IFT74: variants seen among roughly 807,000 people sequenced by gnomAD.
IFT74 encodes intraflagellar transport protein 74 homolog.
A neutral mutation model predicts 96.7 loss-of-function variants in IFT74; 92 were observed. The observed-to-expected ratio is 0.95, with a 90% CI of 0.80 to 1.13. The LOEUF (loss-of-function observed/expected upper bound fraction) is 1.13. Ranked by LOEUF, IFT74 falls within the 50% of genes most tolerant of loss-of-function variation. The pLI is 0.00. For missense variants in IFT74, 811 were observed against 698.2 expected (o/e 1.16, Z -1.82); for synonymous variants, 223 against 213.2 (o/e 1.05, Z -0.40).
intron 4 of IFT74, chr9:26,982,272 CT>C (rs58933452): frequency 0.84 from 264,352 of 313,208 alleles, 111,239 homozygotes; most frequent in South Asian, 0.92. Context: ...AGCTTTTTTT[CT>C]TTTTTTTTTG....
chr9:26,998,066 G>C lies in IFT74; in HGVS notation c.587+7871G>C, dbSNP rs139454351. The C allele has an allele frequency of 1.2e-5, 19 of 1,613,042 alleles. No homozygotes were observed. The African/African-American group carries it at 2.4e-4, about 20-fold the overall frequency. Reference sequence around the variant, plus strand: ...ACCAAAACCGTTATTATGTAAGATAGTAACCTTGTTCTCAATCAAATAGAG... The same window carrying C: ...ACCAAAACCGTTATTATGTAAGATACTAACCTTGTTCTCAATCAAATAGAG... On this transcript the variant is annotated intron_variant, in intron 8 of 19. Coordinates refer to ENST00000380062, the MANE Select transcript of IFT74 (RefSeq NM_025103.4).
Position 27,063,843 on chromosome 9 carries a change from T to C in IFT74, c.*1107T>C, listed in dbSNP as rs1820528409. ...CATTTAAATAAAGGAGTGAGCATTG[T>C]TGAGTTTGCTGAACTCTGGATTACT... On this transcript the variant is annotated 3_prime_UTR_variant, in exon 20 of 20. Transcript: ENST00000380062. Among the ~76,000 whole-genome samples, 1 of 152,138 alleles carries C rather than the reference T, an allele frequency of 6.6e-6. No homozygotes were observed. Among genetic ancestry groups the C allele is most frequent in the African/African-American group, 2.4e-5 (1 of 41,464 alleles).
intron 6 of IFT74, among the ~76,000 whole-genome samples, chr9:26,986,638 T>C (rs1563952137): frequency 6.6e-6 from 1 of 151,970 alleles, no homozygotes; most frequent in Non-Finnish European, 1.5e-5. Flanking sequence ...TTTAATTTTT[T>C]TAGAGATAGG....
chr9:26,998,460 T>A (rs968579709), intron 8 of IFT74, among the ~76,000 whole-genome samples: 2 of 152,146 alleles, frequency 1.3e-5, no homozygotes, highest in African/African-American at 4.8e-5. Context: ...AACAAAGAGA[T>A]TCCAATTTGT....
At chr9:27,045,168 T>C (rs1324517866) in intron 14 of IFT74, among the ~76,000 whole-genome samples, 1 of 152,198 alleles carries the variant, frequency 6.6e-6, no homozygotes, top group Non-Finnish European at 1.5e-5. Flanking sequence ...CTCTGCCTCC[T>C]GTTAGATCAG....
At chr9:27,041,519 A>G (rs1198342193) in intron 13 of IFT74, among the ~76,000 whole-genome samples, 2 of 152,152 alleles carry the variant, frequency 1.3e-5, no homozygotes, top group Non-Finnish European at 2.9e-5. Flanking sequence ...AAATGCTCCG[A>G]ATTAAAGGAT....
chr9:27,027,200 A>G (rs2131639215), intron 12 of IFT74, among the ~76,000 whole-genome samples: 1 of 152,322 alleles, frequency 6.6e-6, no homozygotes, highest in Admixed American at 6.5e-5. Context: ...TTACACGCAC[A>G]AACTAGAAAA....
At chr9:27,036,491 G>A (rs1401131871) in intron 13 of IFT74, 1 of 1,613,582 alleles carries the variant, frequency 6.2e-7, no homozygotes, top group Non-Finnish European at 8.5e-7. Flanking sequence ...AAAAAATACA[G>A]GAAGTTTCAA....
chr9:27,055,484 C>T (rs1220426731), intron 16 of IFT74, 125 bp from the exon 17 acceptor site: 3 of 635,926 alleles, frequency 4.7e-6, no homozygotes, highest in African/African-American at 2.0e-5. Context: ...TCACTGGTTA[C>T]AGTGAACATA....
chr9:26,959,071 T>G (rs887817734), intron 1 of IFT74, among the ~76,000 whole-genome samples: 1 of 151,580 alleles, frequency 6.6e-6, no homozygotes, highest in Admixed American at 6.6e-5. Context: ...TAGAAAATAG[T>G]GGATATAAGC....
At chr9:27,005,964 C>G (rs530961245) in intron 8 of IFT74, among the ~76,000 whole-genome samples, 2 of 152,262 alleles carry the variant, frequency 1.3e-5, no homozygotes, top group South Asian at 4.1e-4. Context: ...CTGCCTCAGC[C>G]TCCTGAGTAG....
intron 4 of IFT74, among the ~76,000 whole-genome samples, chr9:26,982,753 C>G (rs1389274857): frequency 1.3e-5 from 2 of 152,010 alleles, no homozygotes; most frequent in African/African-American, 2.4e-5. Context: ...CTGCACCTGG[C>G]CTAATTTTTG....
chr9:26,975,126 C>T (rs1031311949), intron 2 of IFT74, among the ~76,000 whole-genome samples: 2 of 152,042 alleles, frequency 1.3e-5, no homozygotes, highest in Non-Finnish European at 2.9e-5. Context: ...TGGAATGAGA[C>T]CTGAGGCGGC....
Position 27,064,721 on chromosome 9 carries a change from T to G in IFT74, c.*1985T>G, listed in dbSNP as rs984026293. Among the ~76,000 whole-genome samples the G allele has an allele frequency of 6.6e-6, 1 of 152,134 alleles. No homozygotes were observed. The highest frequency in any genetic ancestry group is 1.5e-5 in the Non-Finnish European group (1 of 67,968). ...TGTTTTCCTCATTTGAAAGCAAATTTAAATGCCTTTACTTTTTCCTTAGGT... is the reference window on the plus strand; with the variant it reads ...TGTTTTCCTCATTTGAAAGCAAATTGAAATGCCTTTACTTTTTCCTTAGGT... On this transcript the variant is annotated 3_prime_UTR_variant, in exon 20 of 20. Transcript: ENST00000380062.
At chr9:26,958,139 A>G (rs1156372981) in intron 1 of IFT74, among the ~76,000 whole-genome samples, 1 of 152,242 alleles carries the variant, frequency 6.6e-6, no homozygotes, top group South Asian at 2.1e-4. Context: ...ACAAGAGAGA[A>G]CAAAGTTTTT....
At chr9:27,053,584 T>C (rs1251836675) in intron 16 of IFT74, among the ~76,000 whole-genome samples, 1 of 152,214 alleles carries the variant, frequency 6.6e-6, no homozygotes, top group East Asian at 1.9e-4. Flanking sequence ...CTTCACGGCA[T>C]ATCAGAAGGA....
intron 8 of IFT74, among the ~76,000 whole-genome samples, chr9:27,006,700 G>C (rs1828798477): frequency 6.6e-6 from 1 of 150,460 alleles, no homozygotes; most frequent in Non-Finnish European, 1.5e-5. Context: ...GAGGCAGGGA[G>C]GGAGGAAAAG....
intron 8 of IFT74, chr9:26,999,770 C>CTTTTTTTT (rs1179000269): frequency 1.1e-4 from 39 of 340,152 alleles, no homozygotes; most frequent in African/African-American, 2.8e-4. Context: ...TCTGTTTATT[C>CTTTTTTTT]TTTTTTTTTT....
At chr9:26,973,808 A>C (rs1343864825) in intron 2 of IFT74, among the ~76,000 whole-genome samples, 1 of 152,194 alleles carries the variant, frequency 6.6e-6, no homozygotes, top group Admixed American at 6.5e-5. Context: ...CTCCTGAATC[A>C]ATTAAAAAGG....
Sources: allele counts gnomAD v4.1 joint callset (sites outside exome capture counted in the v4.1 genomes callset), GRCh38; gene constraint gnomAD v4.1.1; transcripts MANE v1.5; gene names NCBI Gene and HGNC (gene_info 2026-07-23, HGNC 2026-07-21).